The following DAB1 variants were observed in gnomAD, a reference collection of about 807,000 sequenced individuals.
DAB1 encodes disabled homolog 1.
In DAB1, 15 loss-of-function variants were observed where a neutral mutation model predicts 64.6. That is an observed-to-expected ratio of 0.23 (90% CI 0.16 to 0.36). The LOEUF (loss-of-function observed/expected upper bound fraction) is 0.36. Among genes scored for constraint, DAB1 ranks in the 10% least tolerant of loss-of-function variants. DAB1 has a pLI of 1.00. For synonymous variants in DAB1, 235 were observed against 251.9 expected (o/e 0.93, Z 0.64); for missense variants, 596 against 706.7 (o/e 0.84, Z 1.78).
chr1:57,584,246 ATCT>A (rs1406259928), intron 7 of DAB1, among the ~76,000 whole-genome samples: 4 of 152,094 alleles, frequency 2.6e-5, no homozygotes, highest in African/African-American at 9.7e-5. Flanking sequence ...TTGTCTATAA[ATCT>A]TCTTCTACCA....
chr1:57,133,500 G>C (rs1396521334), intron 4 of DAB1, among the ~76,000 whole-genome samples: 1 of 152,086 alleles, frequency 6.6e-6, no homozygotes, highest in East Asian at 1.9e-4. Context: ...GTAACATCAT[G>C]ATATATTAGC....
chr1:57,045,003 G>T (rs1308795895), intron 9 of DAB1, among the ~76,000 whole-genome samples: 2 of 152,194 alleles, frequency 1.3e-5, no homozygotes, highest in Admixed American at 6.5e-5. Context: ...TTTCCAAGAG[G>T]AGGAAACCAA....
chr1:57,587,939 AC>A (rs756117263), intron 7 of DAB1, among the ~76,000 whole-genome samples: 1 of 152,170 alleles, frequency 6.6e-6, no homozygotes, highest in African/African-American at 2.4e-5. Context: ...TTGGACCTAC[AC>A]TTTCAGCAAG....
chr1:58,059,889 G>A (rs1234657124), intron 5 of DAB1, among the ~76,000 whole-genome samples: 4 of 152,324 alleles, frequency 2.6e-5, no homozygotes, highest in Middle Eastern at 3.4e-3. Context: ...TGACTCCAGA[G>A]GCTACACTCA....
At chr1:57,057,774 A>AT (rs796333984) in intron 9 of DAB1, among the ~76,000 whole-genome samples, 58 of 39,974 alleles carry the variant, frequency 1.5e-3, no homozygotes, top group South Asian at 3.1e-3. Context: ...TGCCTGGCTA[A>AT]TTTTTTTGTA....
At chr1:57,666,776 G>C (rs1176857765) in intron 6 of DAB1, among the ~76,000 whole-genome samples, 1 of 151,624 alleles carries the variant, frequency 6.6e-6, no homozygotes, top group Non-Finnish European at 1.5e-5. Context: ...AGCGTGCTTA[G>C]CAGTTTCCTG....
chr1:57,143,588 A>T (rs1195266036), intron 3 of DAB1, among the ~76,000 whole-genome samples: 1 of 152,218 alleles, frequency 6.6e-6, no homozygotes, highest in African/African-American at 2.4e-5. Flanking sequence ...TAAAAAGAAG[A>T]CATATAAATG....
intron 4 of DAB1, among the ~76,000 whole-genome samples, chr1:58,159,970 C>T (rs1655433664): frequency 6.6e-6 from 1 of 152,092 alleles, no homozygotes; most frequent in Middle Eastern, 3.2e-3. Context: ...TTCCCTAGTC[C>T]TGAAGGAGGA....
chr1:57,468,923 G>T (rs1687046662), intron 7 of DAB1, among the ~76,000 whole-genome samples: 1 of 152,160 alleles, frequency 6.6e-6, no homozygotes, highest in South Asian at 2.1e-4. Context: ...TTACAGAGAT[G>T]AATAAAATAA....
intron 9 of DAB1, among the ~76,000 whole-genome samples, chr1:57,028,245 T>C (rs1646855388): frequency 6.6e-6 from 1 of 152,166 alleles, no homozygotes; most frequent in African/African-American, 2.4e-5. Context: ...CAAGATCTGA[T>C]GGGTTTATCA....
chr1:58,269,500 T>C (rs959676013), intron 4 of DAB1, among the ~76,000 whole-genome samples: 1 of 144,636 alleles, frequency 6.9e-6, no homozygotes, highest in Non-Finnish European at 1.5e-5. Context: ...CATGTGTCTT[T>C]ATAGCAGCAT....
chr1:57,031,879 G>A (rs908182638), intron 9 of DAB1, among the ~76,000 whole-genome samples: 14 of 152,184 alleles, frequency 9.2e-5, no homozygotes, highest in Admixed American at 4.6e-4. Context: ...GGAGATGGCA[G>A]TTTTGCCCCT....
At chr1:57,300,153 T>G (rs1477178084) in intron 1 of DAB1, among the ~76,000 whole-genome samples, 2 of 152,086 alleles carry the variant, frequency 1.3e-5, no homozygotes. Context: ...AATATTTAAA[T>G]AAGGAAACAA....
At chr1:57,210,028 T>A (rs1665879463) in intron 2 of DAB1, among the ~76,000 whole-genome samples, 1 of 152,250 alleles carries the variant, frequency 6.6e-6, no homozygotes, top group Admixed American at 6.5e-5. Flanking sequence ...TTAACCTGTT[T>A]AAGCCTCAGT....
intron 6 of DAB1, among the ~76,000 whole-genome samples, chr1:57,656,988 C>A (rs1417175849): frequency 1.3e-5 from 2 of 152,146 alleles, no homozygotes; most frequent in African/African-American, 4.8e-5. Context: ...AATGGCAGGC[C>A]TTATAATTAG....
At position 57,786,881 on chromosome 1, in the gene DAB1, T is replaced by C. The variant is rs184608026; in HGVS notation, n.551+97118A>G. ...TCTGGGTAAAATTCTGTGAATAAAATATCATTATGGTTTTCTTCAATAAGC... is the reference window on the plus strand; with the variant it reads ...TCTGGGTAAAATTCTGTGAATAAAACATCATTATGGTTTTCTTCAATAAGC... On this transcript the variant is annotated intron_variant and non_coding_transcript_variant, in intron 6 of 20. Coordinates refer to the DAB1 transcript ENST00000485760. Among the ~76,000 whole-genome samples the C allele has an allele frequency of 5.1e-4, 78 of 152,192 alleles. 1 individual carries two copies. Among genetic ancestry groups the C allele is most frequent in the Admixed American group, 3.7e-3 (57 of 15,282 alleles).
At position 57,725,338 on chromosome 1, in the gene DAB1, CTCACATGAGAA is replaced by C. The variant is rs533715506; in HGVS notation, n.552-75684_552-75674del. On this transcript the variant is annotated intron_variant and non_coding_transcript_variant, in intron 6 of 20. Coordinates refer to the DAB1 transcript ENST00000485760. ...AAGACTCACAGCATTCTCTCCAAGA[CTCACATGAGAA>C]TCCTCACCTCGCTGGGCCCACCAAC... 8.8e-3 allele frequency among the ~76,000 whole-genome samples: 1,342 copies of C among 152,310 alleles called. 17 individuals carry two copies. The highest frequency in any genetic ancestry group is 0.03 in the African/African-American group (1,250 of 41,552).
chr1:57,211,362 T>C (rs1665990810), intron 2 of DAB1, among the ~76,000 whole-genome samples: 1 of 152,160 alleles, frequency 6.6e-6, no homozygotes. Context: ...GTGATACAAG[T>C]AGAGTGCTTG....
chr1:57,231,945 CCT>C (rs1459907896), intron 2 of DAB1, among the ~76,000 whole-genome samples: 3 of 152,100 alleles, frequency 2.0e-5, no homozygotes, highest in Non-Finnish European at 4.4e-5. Context: ...TGCTGCTTCC[CCT>C]GAGGGTCAGA....
Sources: gnomAD v4.1 joint callset for allele counts (sites outside exome capture counted in the v4.1 genomes callset) on GRCh38, gnomAD v4.1.1 for gene constraint, MANE v1.5 for transcripts, NCBI Gene and HGNC (gene_info 2026-07-23, HGNC 2026-07-21) for gene names.